The following SEC22C variants were observed in gnomAD, a reference collection of about 807,000 sequenced individuals.
SEC22C encodes the protein vesicle-trafficking protein SEC22c.
In SEC22C, 29 loss-of-function variants were observed where a neutral mutation model predicts 34.7. That is an observed-to-expected ratio of 0.84 (90% confidence interval 0.62 to 1.14). The LOEUF is 1.14. SEC22C is among the 50% of genes most tolerant of loss of function. The pLI is 0.00. For synonymous variants in SEC22C, 117 were observed against 132.8 expected (o/e 0.88, Z 0.82); for missense variants, 337 against 369.0 (o/e 0.91, Z 0.71).
In SEC22C at chr3:42,549,070, A is replaced by C; in HGVS notation, c.*4178T>G. 1 of 997,562 alleles carries C rather than the reference A, an allele frequency of 1.0e-6. No individual in the cohort carries two copies. Among genetic ancestry groups the C allele is most frequent in the Non-Finnish European group, 1.2e-6 (1 of 834,790 alleles). 61.8% of individuals were successfully genotyped at this position (997,562 alleles called of 1,614,324 possible). A position where few individuals can be genotyped will look rare whatever the true frequency, so the allele number is the denominator to read the frequency against. Reference sequence around the variant, plus strand: ...TGAAGAGCCTAGCCAGCTGACGGTCAGCTGACTGGTGCACTCTTTCCCTCA... The same window carrying C: ...TGAAGAGCCTAGCCAGCTGACGGTCCGCTGACTGGTGCACTCTTTCCCTCA... On this transcript the variant is annotated 3_prime_UTR_variant, in exon 7 of 7. Coordinates refer to ENST00000264454, the MANE Select transcript of SEC22C (RefSeq NM_032970.4).
intron 1 of SEC22C, among the ~76,000 whole-genome samples, chr3:42,589,690 C>T (rs1033102101): frequency 6.6e-6 from 1 of 152,074 alleles, no homozygotes. Context: ...CTAGGTTGCG[C>T]GCTCCTAATG....
chr3:42,579,929 T>C (rs1233327985), intron 1 of SEC22C, among the ~76,000 whole-genome samples: 1 of 152,234 alleles, frequency 6.6e-6, no homozygotes, highest in Non-Finnish European at 1.5e-5. Flanking sequence ...TAAATCTGTA[T>C]TTGGAGAGAA....
chr3:42,563,185 T>C (rs1170845150), intron 3 of SEC22C, among the ~76,000 whole-genome samples: 1 of 152,236 alleles, frequency 6.6e-6, no homozygotes, highest in Non-Finnish European at 1.5e-5. Flanking sequence ...AGAATAAGCA[T>C]AGCCACGTTC....
rs1214207292 is a variant in SEC22C at position 42,549,367 on chromosome 3, G to C, written c.*3881C>G. 2 of 985,586 alleles carry C rather than the reference G, an allele frequency of 2.0e-6. No individual in the cohort carries two copies. Among genetic ancestry groups the C allele is most frequent in the Non-Finnish European group, 2.4e-6 (2 of 830,068 alleles). The allele number at this position is 985,586 out of a possible 1,614,324, so 61.1% of individuals were successfully genotyped here. A position where few individuals can be genotyped will look rare whatever the true frequency, so the allele number is the denominator to read the frequency against. On this transcript the variant is annotated 3_prime_UTR_variant, in exon 7 of 7. Coordinates refer to ENST00000264454, the MANE Select transcript of SEC22C (RefSeq NM_032970.4). ...ACAATGAGTGGCCAACTCCTTCACA[G>C]AACAGCAAATAGCAGCCCTGGCTAC...
At chr3:42,599,836 A>C (rs1243423864) in intron 1 of SEC22C, among the ~76,000 whole-genome samples, 3 of 152,384 alleles carry the variant, frequency 2.0e-5, no homozygotes, top group East Asian at 3.9e-4. Context: ...AAGACTATGT[A>C]AAACATATAT....
intron 1 of SEC22C, chr3:42,600,953 C>G: frequency 2.8e-6 from 4 of 1,453,086 alleles, no homozygotes; most frequent in Non-Finnish European, 2.8e-6. Flanking sequence ...CTCGCCCCTG[C>G]CCTGACCGCT....
chr3:42,583,713 G>A (rs1038410162), upstream of SEC22C, among the ~76,000 whole-genome samples: 1 of 152,130 alleles, frequency 6.6e-6, no homozygotes, highest in African/African-American at 2.4e-5. Context: ...TCTAATATGC[G>A]CAGGCACCAC....
chr3:42,586,886 C>T (rs1704629877), upstream of SEC22C, among the ~76,000 whole-genome samples: 2 of 152,174 alleles, frequency 1.3e-5, no homozygotes, highest in South Asian at 4.1e-4. Flanking sequence ...AATATATCAC[C>T]TTCATTTCCA....
At position 42,557,638 on chromosome 3, in the gene SEC22C, G is replaced by A. The variant is rs1246600231; in HGVS notation, c.585C>T (p.Asn195=). The change falls in exon 5 of 7, where the codon AAC becomes AAT. Residue 195 remains asparagine (N), a synonymous_variant. Coordinates refer to ENST00000264454, the MANE Select transcript of SEC22C (RefSeq NM_032970.4). ...TALGILSLIL[N]IMCAALNLIR... ...TGAGATTCAGGGCAGCACACATGAT[G>A]TTGAGAATGAGGGAGAGGATACCCA... The A allele has an allele frequency of 1.2e-5, 20 of 1,612,422 alleles. No homozygotes were observed. The highest frequency in any genetic ancestry group is 3.3e-5 in the Admixed American group (2 of 59,888).
chr3:42,588,167 G>A (rs568845408), intron 1 of SEC22C, among the ~76,000 whole-genome samples: 1 of 151,920 alleles, frequency 6.6e-6, no homozygotes, highest in African/African-American at 2.4e-5. Flanking sequence ...ACTTTGGGAG[G>A]CCGAGGCAGA....
intron 1 of SEC22C, among the ~76,000 whole-genome samples, chr3:42,575,111 G>C (rs930255270): frequency 3.3e-5 from 5 of 152,162 alleles, no homozygotes; most frequent in Middle Eastern, 3.2e-3. Flanking sequence ...GCTTCCCAAA[G>C]TACTGGGATT....
chr3:42,580,286 G>A (rs969030728), intron 1 of SEC22C, among the ~76,000 whole-genome samples: 4 of 152,184 alleles, frequency 2.6e-5, no homozygotes, highest in Admixed American at 6.6e-5. Flanking sequence ...AGAGATGACT[G>A]CACCTTGCAA....
intron 2 of SEC22C, among the ~76,000 whole-genome samples, chr3:42,566,495 T>C (rs1211837621): frequency 6.6e-6 from 1 of 151,290 alleles, no homozygotes; most frequent in African/African-American, 2.4e-5. Flanking sequence ...GCTAACACGG[T>C]GAAACGCCGT....
exon 1 of SEC22C, chr3:42,601,015 G>A (rs1415198700): frequency 9.5e-6 from 15 of 1,574,908 alleles, no homozygotes; most frequent in Admixed American, 7.3e-5. Context: ...CGATGGGGGC[G>A]CAGGACCGGC....
chr3:42,573,735 A>AT (rs955471374), intron 1 of SEC22C, among the ~76,000 whole-genome samples: 2 of 152,162 alleles, frequency 1.3e-5, no homozygotes, highest in African/African-American at 4.8e-5. Flanking sequence ...CAATAGAAAT[A>AT]TGGGGGGGAG....
In SEC22C at chr3:42,550,646, G is replaced by A. The variant is rs342535; in HGVS notation, c.*2602C>T. The A allele has an allele frequency of 0.21, 210,777 of 984,638 alleles. 24,025 individuals carry two copies. Among genetic ancestry groups the A allele is most frequent in the East Asian group, 0.47 (4,144 of 8,748 alleles). The allele number at this position is 984,638 out of a possible 1,614,324, so 61.0% of individuals were successfully genotyped here. Reference sequence around the variant, plus strand: ...ATCTCACCCCATGTAGATGTTAACTGATATCCACACATTCGACCTGGTGTG... The same window carrying A: ...ATCTCACCCCATGTAGATGTTAACTAATATCCACACATTCGACCTGGTGTG... On this transcript the variant is annotated 3_prime_UTR_variant, in exon 7 of 7. Coordinates refer to ENST00000264454, the MANE Select transcript of SEC22C (RefSeq NM_032970.4).
intron 1 of SEC22C, among the ~76,000 whole-genome samples, chr3:42,574,892 C>T (rs1703870640): frequency 1.3e-5 from 2 of 152,324 alleles, no homozygotes; most frequent in African/African-American, 4.8e-5. Flanking sequence ...AATCATGGCT[C>T]ACTGCTGCCT....
chr3:42,561,098 G>C lies in SEC22C; in HGVS notation c.526+19C>G. On this transcript the variant is annotated intron_variant, in intron 4 of 6. Coordinates refer to ENST00000264454, the MANE Select transcript of SEC22C (RefSeq NM_032970.4). The stretch of plus-strand genomic sequence containing the variant: ...CACAATATCACTTCATCAACATCAG[G>C]GAACAACAAGCCACTTACCAGGCTC... 6.2e-7 allele frequency: 1 copy of C among 1,605,114 alleles called. No individual in the cohort carries two copies. The highest frequency in any genetic ancestry group is 2.2e-5 in the East Asian group (1 of 44,648).
chr3:42,548,837 G>A lies in SEC22C; in HGVS notation c.*4411C>T. On this transcript the variant is annotated 3_prime_UTR_variant, in exon 7 of 7. Transcript: ENST00000264454. ...AAGAAATGGCTGTGCTGTGCTGCCT[G>A]AAGCAGAAAAACCTTCATGTACCAG... is the stretch of plus-strand genomic sequence containing the variant. The A allele has an allele frequency of 7.1e-7, 1 of 1,410,552 alleles. No individual in the cohort carries two copies. Among genetic ancestry groups the A allele is most frequent in the East Asian group, 2.5e-5 (1 of 39,532 alleles). The allele number at this position is 1,410,552 out of a possible 1,614,324, so 87.4% of individuals were successfully genotyped here.
Sources: allele counts gnomAD v4.1 joint callset (sites outside exome capture counted in the v4.1 genomes callset), GRCh38; gene constraint gnomAD v4.1.1; transcripts MANE v1.5; gene names NCBI Gene and HGNC (gene_info 2026-07-23, HGNC 2026-07-21).